Variants in SOX6 observed in about 807,000 individuals in gnomAD.
The protein encoded by SOX6 is SRY-box transcription factor 6, also known as transcription factor SOX-6.
SOX6 carries 11 observed loss-of-function variants against 97.8 expected under a neutral mutation model. The ratio of observed to expected loss-of-function variants is 0.11; its 90% CI spans 0.07 to 0.19. The LOEUF (loss-of-function observed/expected upper bound fraction) is 0.19, where lower values mean the gene tolerates loss of function less well. Among genes scored for constraint, SOX6 ranks in the 10% least tolerant of loss-of-function variants. The probability of loss-of-function intolerance (pLI) is 1.00; values close to 1 mark genes in which losing one functional copy is unlikely to be tolerated. For missense variants in SOX6, 810 were observed against 1,039.5 expected, an observed-to-expected ratio of 0.78 and a Z score of 3.04; for synonymous variants, 360 against 371.4, an observed-to-expected ratio of 0.97 and a Z score of 0.35.
At chr11:16,189,940 T>A (rs1851585596) in intron 4 of SOX6, among the ~76,000 whole-genome samples, 1 of 152,162 alleles carries the variant, frequency 6.6e-6, no homozygotes. Context: ...CAATAAATAC[T>A]GGAAATTTTT....
chr11:16,502,567 A>G (rs1283091422), intron 4 of SOX6, among the ~76,000 whole-genome samples: 1 of 152,290 alleles, frequency 6.6e-6, no homozygotes. Flanking sequence ...TAAATGAAAT[A>G]AAAAATACAT....
intron 3 of SOX6, among the ~76,000 whole-genome samples, chr11:16,643,938 C>T (rs1848966481): frequency 1.3e-5 from 2 of 152,370 alleles, no homozygotes; most frequent in South Asian, 4.1e-4. Flanking sequence ...GTCTGACACT[C>T]CCCAGTGAGA....
intron 7 of SOX6, among the ~76,000 whole-genome samples, chr11:16,099,966 G>GTA (rs1362826792): frequency 6.6e-6 from 1 of 151,708 alleles, no homozygotes. Context: ...GAGCAACAGA[G>GTA]TATATAACAG....
intron 3 of SOX6, among the ~76,000 whole-genome samples, chr11:16,617,074 A>C (rs1447286361): frequency 6.6e-6 from 1 of 151,934 alleles, no homozygotes; most frequent in Non-Finnish European, 1.5e-5. Flanking sequence ...ATTCAAACAA[A>C]CAAATGAAAG....
chr11:16,593,083 A>C (rs1399010885), intron 4 of SOX6, among the ~76,000 whole-genome samples: 2 of 152,218 alleles, frequency 1.3e-5, no homozygotes, highest in East Asian at 3.8e-4. Flanking sequence ...AAAGATAAGC[A>C]TAAAGCACAT....
At chr11:16,621,964 A>G (rs535912480) in intron 3 of SOX6, among the ~76,000 whole-genome samples, 1 of 152,218 alleles carries the variant, frequency 6.6e-6, no homozygotes, top group Non-Finnish European at 1.5e-5. Flanking sequence ...TTTAGGTCCT[A>G]AAAATATACT....
At chr11:16,631,407 T>C (rs1357141462) in intron 3 of SOX6, among the ~76,000 whole-genome samples, 2 of 152,206 alleles carry the variant, frequency 1.3e-5, no homozygotes, top group African/African-American at 4.8e-5. Context: ...ATGCTGAAAA[T>C]AGGCCCCCAA....
chr11:16,493,059 T>C (rs1257059185), intron 4 of SOX6, among the ~76,000 whole-genome samples: 1 of 152,158 alleles, frequency 6.6e-6, no homozygotes, highest in Non-Finnish European at 1.5e-5. Context: ...TGACATTATC[T>C]AATATAGATA....
intron 1 of SOX6, among the ~76,000 whole-genome samples, chr11:16,384,919 C>T (rs1192922517): frequency 6.6e-6 from 1 of 152,036 alleles, no homozygotes; most frequent in East Asian, 1.9e-4. Context: ...GAGAGCTATA[C>T]AGCAGATCCT....
At chr11:16,084,019 T>G (rs1848527670) in intron 9 of SOX6, among the ~76,000 whole-genome samples, 1 of 152,130 alleles carries the variant, frequency 6.6e-6, no homozygotes, top group South Asian at 2.1e-4. Flanking sequence ...ATTTGTTTCA[T>G]GATTAGTGGG....
chr11:16,288,582 A>G (rs1347674910), intron 3 of SOX6, among the ~76,000 whole-genome samples: 1 of 152,016 alleles, frequency 6.6e-6, no homozygotes, highest in East Asian at 1.9e-4. Context: ...TTTTAGTAAG[A>G]TATTTTAGAG....
chr11:16,034,640 TA>T (rs1455969401), intron 12 of SOX6, among the ~76,000 whole-genome samples: 1 of 151,996 alleles, frequency 6.6e-6, no homozygotes, highest in African/African-American at 2.4e-5. Flanking sequence ...AAAATGAAAA[TA>T]ATCAAGTATA....
chr11:16,603,795 G>T (rs921346590), intron 4 of SOX6, among the ~76,000 whole-genome samples: 5 of 152,006 alleles, frequency 3.3e-5, no homozygotes, highest in African/African-American at 1.2e-4. Context: ...AAAATAAGAA[G>T]ATAAAATAGG....
At chr11:16,173,611 T>G (rs1851100126) in intron 6 of SOX6, among the ~76,000 whole-genome samples, 1 of 109,940 alleles carries the variant, frequency 9.1e-6, no homozygotes, top group Non-Finnish European at 2.0e-5. Context: ...GAAAAGTGTT[T>G]GTTTTTTTTA....
chr11:16,082,186 T>C (rs895625099), intron 9 of SOX6, among the ~76,000 whole-genome samples: 4 of 152,166 alleles, frequency 2.6e-5, no homozygotes, highest in Non-Finnish European at 5.9e-5. Context: ...CTGGAAAGTC[T>C]GAGTTAATCC....
chr11:16,127,698 T>G (rs1849641490), intron 6 of SOX6, among the ~76,000 whole-genome samples: 1 of 152,148 alleles, frequency 6.6e-6, no homozygotes, highest in South Asian at 2.1e-4. Flanking sequence ...TATTCCAAGT[T>G]GGAACATATA....
chr11:16,528,830 C>G (rs1019345304), intron 4 of SOX6, among the ~76,000 whole-genome samples: 2 of 152,100 alleles, frequency 1.3e-5, no homozygotes, highest in African/African-American at 4.8e-5. Context: ...TCTGATTTCA[C>G]AGGCCATAAG....
chr11:16,122,661 C>A lies in SOX6; in HGVS notation c.778-10738G>T, dbSNP rs141422847. ...TTATTAAATTCCTCATCCAGAAATGCAGGTTTACATCTTAAACTATAGGCC... is the reference window on the plus strand; with the variant it reads ...TTATTAAATTCCTCATCCAGAAATGAAGGTTTACATCTTAAACTATAGGCC... On this transcript the variant is annotated intron_variant, in intron 6 of 15. Coordinates refer to ENST00000683767, the MANE Select transcript of SOX6 (RefSeq NM_001367873.1). Among the ~76,000 whole-genome samples, 209 of 152,098 alleles carry A rather than the reference C, an allele frequency of 1.4e-3. 1 individual carries two copies. The highest frequency in any genetic ancestry group is 4.7e-3 in the African/African-American group (195 of 41,554).
chr11:16,367,139 T>G (rs1857379464), intron 1 of SOX6, among the ~76,000 whole-genome samples: 1 of 152,196 alleles, frequency 6.6e-6, no homozygotes, highest in Admixed American at 6.6e-5. Context: ...AGATATAGTT[T>G]AGACTTTGAG....
Sources: gnomAD v4.1 joint callset for allele counts (sites outside exome capture counted in the v4.1 genomes callset) on GRCh38, gnomAD v4.1.1 for gene constraint, MANE v1.5 for transcripts, NCBI Gene and HGNC (gene_info 2026-07-23, HGNC 2026-07-21) for gene names.